Variants in CCDC30 observed in about 807,000 individuals in gnomAD.
CCDC30 encodes coiled-coil domain-containing protein 30.
CCDC30 carries 70 observed loss-of-function variants against 100.2 expected under a neutral mutation model. The ratio of observed to expected loss-of-function variants is 0.70; its 90% CI spans 0.58 to 0.85. The LOEUF is 0.85. Among genes scored for constraint, CCDC30 ranks in the 40% least tolerant of loss-of-function variants. CCDC30 has a pLI of 0.00. For synonymous variants in CCDC30, 233 were observed against 269.5 expected (o/e 0.86, Z 1.33); for missense variants, 652 against 771.2 (o/e 0.85, Z 1.83).
chr1:42,582,799 A>G (rs1570144265), intron 9 of CCDC30, among the ~76,000 whole-genome samples: 2 of 152,170 alleles, frequency 1.3e-5, no homozygotes, highest in Admixed American at 1.3e-4. Flanking sequence ...TCAGTATCAT[A>G]TTGGTAAAGC....
At chr1:42,601,383 C>T (rs570034116) in intron 10 of CCDC30, among the ~76,000 whole-genome samples, 1 of 152,126 alleles carries the variant, frequency 6.6e-6, no homozygotes, top group African/African-American at 2.4e-5. Flanking sequence ...ACTAACAACC[C>T]CAGCCCACAA....
chr1:42,525,832 A>G (rs762649190), intron 6 of CCDC30, among the ~76,000 whole-genome samples: 65 of 152,260 alleles, frequency 4.3e-4, no homozygotes, highest in Non-Finnish European at 5.3e-4. Flanking sequence ...TGGGTGTTCA[A>G]TAAGGACTCT....
At chr1:42,614,508 C>T (rs1646687687) in intron 11 of CCDC30, among the ~76,000 whole-genome samples, 1 of 151,860 alleles carries the variant, frequency 6.6e-6, no homozygotes, top group Non-Finnish European at 1.5e-5. Context: ...AGAACAGGGC[C>T]AGGCGCAGTG....
At chr1:42,524,372 C>A (rs6600409) in intron 6 of CCDC30, among the ~76,000 whole-genome samples, 37,025 of 151,946 alleles carry the variant, frequency 0.24, 4,893 homozygotes, top group South Asian at 0.42. Context: ...CCTCTCTATA[C>A]GCAGTTGCTT....
intron 6 of CCDC30, among the ~76,000 whole-genome samples, chr1:42,541,387 AC>A (rs1645009060): frequency 6.6e-6 from 1 of 152,222 alleles, no homozygotes; most frequent in African/African-American, 2.4e-5. Flanking sequence ...CAACATATGA[AC>A]TTTGAGTCAA....
chr1:42,549,675 T>C (rs982787970), intron 6 of CCDC30, among the ~76,000 whole-genome samples: 2 of 152,184 alleles, frequency 1.3e-5, no homozygotes, highest in Non-Finnish European at 2.9e-5. Context: ...AGACACATAG[T>C]AGGTACTCAC....
chr1:42,651,344 G>C (rs1400406432), intron 15 of CCDC30, among the ~76,000 whole-genome samples: 2 of 152,094 alleles, frequency 1.3e-5, no homozygotes, highest in South Asian at 4.1e-4. Context: ...TCTGATAAGG[G>C]ATTAATATCC....
intron 6 of CCDC30, among the ~76,000 whole-genome samples, chr1:42,544,513 T>C (rs1052206701): frequency 6.6e-6 from 1 of 152,206 alleles, no homozygotes; most frequent in African/African-American, 2.4e-5. Flanking sequence ...ACAAATATTT[T>C]ATTTTTTATT....
chr1:42,609,870 C>G (rs1646583414), intron 10 of CCDC30, among the ~76,000 whole-genome samples: 1 of 152,150 alleles, frequency 6.6e-6, no homozygotes, highest in Non-Finnish European at 1.5e-5. Context: ...ATTCCCAAAG[C>G]CTGTTTCTCA....
At chr1:42,516,042 C>G (rs571659840) in intron 6 of CCDC30, among the ~76,000 whole-genome samples, 115 of 152,166 alleles carry the variant, frequency 7.6e-4, no homozygotes, top group African/African-American at 2.7e-3. Flanking sequence ...GCTTTAAATT[C>G]TTTGGGGTAT....
intron 11 of CCDC30, among the ~76,000 whole-genome samples, chr1:42,631,636 G>T (rs1255795143): frequency 1.3e-5 from 2 of 152,196 alleles, no homozygotes; most frequent in Admixed American, 6.5e-5. Flanking sequence ...AAAAAAACCT[G>T]AGAAGTCCAC....
intron 6 of CCDC30, among the ~76,000 whole-genome samples, chr1:42,528,790 T>C (rs1470898362): frequency 6.6e-6 from 1 of 152,200 alleles, no homozygotes; most frequent in East Asian, 1.9e-4. Context: ...GTAGAACTTA[T>C]GCTTGGAGAA....
At chr1:42,529,564 A>AT (rs1187649933) in intron 6 of CCDC30, 2 of 152,228 alleles carry the variant, frequency 1.3e-5, no homozygotes, top group Non-Finnish European at 2.9e-5. Flanking sequence ...CTAAAGAAAG[A>AT]TTTTGCCTTC....
chr1:42,473,694 A>G, intron 1 of CCDC30: 1 of 170,112 alleles, frequency 5.9e-6, no homozygotes, highest in Non-Finnish European at 1.2e-5. Context: ...AAAGTCATAG[A>G]GATGAGACAC....
chr1:42,476,473 C>G (rs1643882331), intron 1 of CCDC30, among the ~76,000 whole-genome samples: 1 of 152,018 alleles, frequency 6.6e-6, no homozygotes, highest in Non-Finnish European at 1.5e-5. Context: ...GGCGGATCAC[C>G]TGAGGTGGGG....
intron 6 of CCDC30, among the ~76,000 whole-genome samples, chr1:42,532,903 C>T (rs1644828658): frequency 6.6e-6 from 1 of 152,172 alleles, no homozygotes; most frequent in South Asian, 2.1e-4. Context: ...GTAGCTGGGA[C>T]TACAGGCGCC....
At chr1:42,525,392 C>T (rs1384060226) in intron 6 of CCDC30, among the ~76,000 whole-genome samples, 2 of 151,766 alleles carry the variant, frequency 1.3e-5, no homozygotes, top group Middle Eastern at 3.4e-3. Context: ...CATTTTTTTT[C>T]TGTAGTGTTT....
At chr1:42,531,806 C>G (rs1159102128) in intron 6 of CCDC30, among the ~76,000 whole-genome samples, 1 of 152,086 alleles carries the variant, frequency 6.6e-6, no homozygotes, top group Non-Finnish European at 1.5e-5. Context: ...AGAACCCTGT[C>G]AAATACAGAT....
intron 6 of CCDC30, among the ~76,000 whole-genome samples, chr1:42,534,377 A>T (rs1323466551): frequency 6.6e-6 from 1 of 152,210 alleles, no homozygotes; most frequent in East Asian, 1.9e-4. Context: ...ACCAGTGCAG[A>T]TGGTGGCTGA....
Sources: allele counts gnomAD v4.1 joint callset (sites outside exome capture counted in the v4.1 genomes callset), GRCh38; gene constraint gnomAD v4.1.1; transcripts MANE v1.5; gene names NCBI Gene and HGNC (gene_info 2026-07-23, HGNC 2026-07-21).